Variants in MGAT4C observed in about 807,000 individuals in gnomAD.
MGAT4C encodes MGAT4 family member C, also known as alpha-1,3-mannosyl-glycoprotein 4-beta-N-acetylglucosaminyltransferase C.
MGAT4C carries 19 observed loss-of-function variants against 40.1 expected under a neutral mutation model. The observed-to-expected ratio is 0.47, with a 90% CI of 0.33 to 0.70. The LOEUF is 0.70. MGAT4C is among the 30% of genes least tolerant of loss of function. The pLI, the probability that MGAT4C is intolerant of heterozygous loss-of-function variation, is 0.02. For missense variants in MGAT4C, 491 were observed against 563.2 expected (o/e 0.87, Z 1.30); for synonymous variants, 181 against 187.1 (o/e 0.97, Z 0.27).
At chr12:86,632,585 G>T (rs1475213253) in intron 2 of MGAT4C, among the ~76,000 whole-genome samples, 1 of 152,026 alleles carries the variant, frequency 6.6e-6, no homozygotes, top group Non-Finnish European at 1.5e-5. Context: ...CCATAAAAAA[G>T]GATGAGTTCA....
intron 4 of MGAT4C, among the ~76,000 whole-genome samples, chr12:86,293,677 T>C (rs1018001369): frequency 6.6e-5 from 10 of 152,202 alleles, no homozygotes; most frequent in Non-Finnish European, 1.0e-4. Flanking sequence ...TGTGTACCTA[T>C]CCAAATCTTA....
At chr12:85,998,294 G>C (rs1192419644) in intron 2 of MGAT4C, among the ~76,000 whole-genome samples, 1 of 152,110 alleles carries the variant, frequency 6.6e-6, no homozygotes, top group African/African-American at 2.4e-5. Context: ...TGGGCCTCCA[G>C]ACCTGTGATG....
chr12:86,701,066 C>A (rs1950354353), intron 2 of MGAT4C, among the ~76,000 whole-genome samples: 1 of 152,040 alleles, frequency 6.6e-6, no homozygotes, highest in Admixed American at 6.6e-5. Context: ...AGAAACCTAG[C>A]CTTGCCATAG....
intron 3 of MGAT4C, among the ~76,000 whole-genome samples, chr12:86,428,912 T>C (rs554150517): frequency 9.9e-5 from 15 of 152,254 alleles, no homozygotes; most frequent in African/African-American, 3.6e-4. Context: ...AAAGAGTTAC[T>C]TTTTATCTCT....
At chr12:86,565,209 T>C (rs113976116) in intron 2 of MGAT4C, among the ~76,000 whole-genome samples, 1,803 of 152,118 alleles carry the variant, frequency 0.012, 44 homozygotes, top group African/African-American at 0.042. Context: ...CATCATCAAG[T>C]TGAAGTGGTA....
intron 1 of MGAT4C, among the ~76,000 whole-genome samples, chr12:86,084,532 C>A (rs1217260733): frequency 1.3e-5 from 2 of 151,728 alleles, no homozygotes; most frequent in East Asian, 1.9e-4. Flanking sequence ...CTATTTGCAA[C>A]TGTTTTTTTA....
chr12:86,172,983 A>G (rs1887009699), intron 1 of MGAT4C, among the ~76,000 whole-genome samples: 1 of 152,114 alleles, frequency 6.6e-6, no homozygotes, highest in Non-Finnish European at 1.5e-5. Context: ...AATTATATGC[A>G]TAGAGGGCCA....
chr12:86,384,815 C>T (rs529099013), intron 3 of MGAT4C, among the ~76,000 whole-genome samples: 3 of 152,280 alleles, frequency 2.0e-5, no homozygotes, highest in East Asian at 1.9e-4. Context: ...TTCGTATCTT[C>T]TACTCCCTCT....
intron 1 of MGAT4C, among the ~76,000 whole-genome samples, chr12:86,073,076 G>C (rs1283577289): frequency 2.0e-5 from 3 of 152,118 alleles, no homozygotes; most frequent in African/African-American, 7.2e-5. Context: ...GTTATGAGAG[G>C]GACCTGGTGG....
intron 1 of MGAT4C, among the ~76,000 whole-genome samples, chr12:86,120,067 C>G (rs1879119157): frequency 6.6e-6 from 1 of 151,658 alleles, no homozygotes; most frequent in African/African-American, 2.4e-5. Context: ...ACAATTTATA[C>G]AAGCTCAACT....
intron 2 of MGAT4C, among the ~76,000 whole-genome samples, chr12:86,696,426 TA>T: frequency 1.3e-5 from 2 of 152,188 alleles, no homozygotes; most frequent in Admixed American, 1.3e-4. Context: ...TTACAATAAA[TA>T]AATAATTAAG....
intron 2 of MGAT4C, among the ~76,000 whole-genome samples, chr12:86,002,798 G>T (rs1048962292): frequency 2.6e-5 from 4 of 151,338 alleles, no homozygotes; most frequent in Non-Finnish European, 4.4e-5. Context: ...AAATTACTTA[G>T]TACTTTCTTT....
At chr12:86,329,467 C>G (rs1954608252) in intron 4 of MGAT4C, among the ~76,000 whole-genome samples, 1 of 152,106 alleles carries the variant, frequency 6.6e-6, no homozygotes, top group Non-Finnish European at 1.5e-5. Context: ...ATAATATTTT[C>G]TATCCTCTTA....
At chr12:86,772,930 G>A (rs942834647) in intron 1 of MGAT4C, among the ~76,000 whole-genome samples, 12 of 152,092 alleles carry the variant, frequency 7.9e-5, no homozygotes, top group Non-Finnish European at 1.6e-4. Flanking sequence ...GCATTTAAAT[G>A]AGATTTGTGA....
chr12:86,063,440 T>C (rs1894197311), intron 1 of MGAT4C, among the ~76,000 whole-genome samples: 1 of 152,144 alleles, frequency 6.6e-6, no homozygotes, highest in Admixed American at 6.5e-5. Flanking sequence ...GTAAAGGTCA[T>C]TGAGACTATG....
At chr12:86,496,097 G>A (rs1037360455) in intron 2 of MGAT4C, among the ~76,000 whole-genome samples, 1 of 151,884 alleles carries the variant, frequency 6.6e-6, no homozygotes, top group Non-Finnish European at 1.5e-5. Flanking sequence ...TTACTGTCTC[G>A]GTGATTGTCT....
intron 1 of MGAT4C, among the ~76,000 whole-genome samples, chr12:86,764,375 T>G (rs1397306862): frequency 6.6e-6 from 1 of 152,034 alleles, no homozygotes; most frequent in African/African-American, 2.4e-5. Context: ...TCGAACTGGG[T>G]GGAGCCCACC....
At chr12:86,042,718 A>T (rs1022798039) in intron 2 of MGAT4C, among the ~76,000 whole-genome samples, 1 of 151,872 alleles carries the variant, frequency 6.6e-6, no homozygotes, top group Non-Finnish European at 1.5e-5. Flanking sequence ...AATACAAAAA[A>T]TTAGCTGGGC....
intron 4 of MGAT4C, among the ~76,000 whole-genome samples, chr12:86,321,767 T>G (rs1445941244): frequency 6.6e-6 from 1 of 152,138 alleles, no homozygotes; most frequent in Non-Finnish European, 1.5e-5. Context: ...ACTTTTACAC[T>G]GTTGGTGGGA....
Sources: allele counts gnomAD v4.1 joint callset (sites outside exome capture counted in the v4.1 genomes callset), GRCh38; gene constraint gnomAD v4.1.1; transcripts MANE v1.5; gene names NCBI Gene and HGNC (gene_info 2026-07-23, HGNC 2026-07-21).